EGFLAM: variants seen among roughly 807,000 people sequenced by gnomAD.
EGFLAM encodes pikachurin.
In EGFLAM, 79 loss-of-function variants were observed where a neutral mutation model predicts 113.1. The observed-to-expected ratio is 0.70, with a 90% CI of 0.58 to 0.84. EGFLAM has a LOEUF of 0.84. Among genes scored for constraint, EGFLAM ranks in the 40% least tolerant of loss-of-function variants. The pLI is 0.00. For missense variants in EGFLAM, 1,265 were observed against 1,291.6 expected (o/e 0.98, Z 0.32); for synonymous variants, 504 against 487.6 (o/e 1.03, Z -0.44).
chr5:38,462,830 G>C, intron 20 of EGFLAM, 78 bp from the exon 21 acceptor site: 1 of 1,477,870 alleles, frequency 6.8e-7, no homozygotes, highest in Non-Finnish European at 9.4e-7. Flanking sequence ...TAATACATTT[G>C]TATTGAAATG....
In EGFLAM at chr5:38,438,471, T is replaced by C. The variant is rs1331957784; in HGVS notation, c.2464+16T>C. 6.3e-7 allele frequency: 1 copy of C among 1,581,666 alleles called. No individual in the cohort carries two copies. The highest frequency in any genetic ancestry group is 8.6e-7 in the Non-Finnish European group (1 of 1,161,400). ...TGCCAGAAAGGTACGCTCAGGGGTC[T>C]GAGGCACAGCTCCCTGGAGGGAGTG... On this transcript the variant is annotated intron_variant, in intron 17 of 21. Transcript: ENST00000322350.
intron 1 of EGFLAM, among the ~76,000 whole-genome samples, chr5:38,278,670 G>A (rs892461067): frequency 6.6e-6 from 1 of 152,042 alleles, no homozygotes; most frequent in African/African-American, 2.4e-5. Flanking sequence ...TGTACTTTTA[G>A]TAGAGATGGG....
intron 1 of EGFLAM, among the ~76,000 whole-genome samples, chr5:38,295,702 A>G (rs1004293231): frequency 3.9e-5 from 6 of 152,228 alleles, no homozygotes; most frequent in Non-Finnish European, 5.9e-5. Flanking sequence ...AAGTAAGATT[A>G]TGGTTATTAG....
At chr5:38,463,334 T>C (rs961581227) in intron 21 of EGFLAM, among the ~76,000 whole-genome samples, 1 of 152,264 alleles carries the variant, frequency 6.6e-6, no homozygotes. Context: ...CCTTGCAGAA[T>C]AGAATGACTA....
chr5:38,271,035 A>G (rs1048286331), intron 1 of EGFLAM, among the ~76,000 whole-genome samples: 3 of 152,184 alleles, frequency 2.0e-5, no homozygotes, highest in African/African-American at 7.2e-5. Context: ...TATTTCCTCA[A>G]ATGAGGACTT....
chr5:38,346,978 GA>G (rs1739488388), intron 3 of EGFLAM, among the ~76,000 whole-genome samples: 1 of 145,850 alleles, frequency 6.9e-6, no homozygotes, highest in Non-Finnish European at 1.5e-5. Context: ...GGGTGGGAGG[GA>G]GGGGCAGACT....
intron 6 of EGFLAM, among the ~76,000 whole-genome samples, chr5:38,393,076 T>C (rs1349033518): frequency 1.3e-5 from 2 of 152,168 alleles, no homozygotes; most frequent in African/African-American, 4.8e-5. Context: ...TGCTTTTCAA[T>C]AGAAATTTTA....
chr5:38,342,102 A>C lies in EGFLAM; in HGVS notation c.291+3321A>C, dbSNP rs193077667. Among the ~76,000 whole-genome samples, 401 of 152,326 alleles carry C rather than the reference A, an allele frequency of 2.6e-3. 5 individuals carry two copies. The highest frequency in any genetic ancestry group is 2.2e-3 in the Non-Finnish European group (151 of 68,030). ...ATCTCCCTCTTGCTGATTAAGGCTC[A>C]GTGAAGAGTGCCTAGTTCTAGTGTA... On this transcript the variant is annotated intron_variant, in intron 3 of 21. Coordinates refer to ENST00000322350, the MANE Select transcript of EGFLAM (RefSeq NM_152403.4).
chr5:38,460,766 T>C (rs1007995822), intron 20 of EGFLAM, among the ~76,000 whole-genome samples: 2 of 152,208 alleles, frequency 1.3e-5, no homozygotes, highest in African/African-American at 4.8e-5. Flanking sequence ...ATATCAATTA[T>C]GGCAAGAAGG....
At chr5:38,269,492 CTTT>C (rs372732442) in intron 1 of EGFLAM, among the ~76,000 whole-genome samples, 4 of 138,018 alleles carry the variant, frequency 2.9e-5, no homozygotes, top group Non-Finnish European at 3.2e-5. Flanking sequence ...CTTTTCTTTT[CTTT>C]TTTTTTTTTT....
Position 38,438,505 on chromosome 5 carries a change from G to A in EGFLAM, c.2464+50G>A, listed in dbSNP as rs373786727. On this transcript the variant is annotated intron_variant, in intron 17 of 21. Transcript: ENST00000322350. ...GCTCCCTGGAGGGAGTGGAAGGAAC[G>A]GACAGCCAATTGGGGGACCACAACT... 65 of 1,477,876 alleles carry A rather than the reference G, an allele frequency of 4.4e-5. 1 individual carries two copies. Among genetic ancestry groups the A allele is most frequent in the South Asian group, 3.6e-4 (24 of 67,040 alleles). The allele number at this position is 1,477,876 out of a possible 1,614,324, so 91.5% of individuals were successfully genotyped here.
intron 1 of EGFLAM, among the ~76,000 whole-genome samples, chr5:38,314,170 A>G (rs187412554): frequency 4.6e-5 from 7 of 152,358 alleles, no homozygotes; most frequent in African/African-American, 1.7e-4. Context: ...GGTGTGTAGT[A>G]TGAATTAAGC....
At chr5:38,303,083 G>A (rs1315135399) in intron 1 of EGFLAM, among the ~76,000 whole-genome samples, 1 of 152,174 alleles carries the variant, frequency 6.6e-6, no homozygotes, top group Non-Finnish European at 1.5e-5. Flanking sequence ...AAAGCATGTA[G>A]TAGTTGTGGA....
At chr5:38,347,019 G>A (rs573746344) in intron 3 of EGFLAM, among the ~76,000 whole-genome samples, 59 of 152,242 alleles carry the variant, frequency 3.9e-4, no homozygotes, top group Admixed American at 1.5e-3. Context: ...CAAAGGGGCC[G>A]TAACTTGGGC....
At chr5:38,286,504 T>G (rs2367214) in intron 1 of EGFLAM, 69,345 of 152,000 alleles carry the variant, frequency 0.46, 17,874 homozygotes, top group African/African-American at 0.7. Context: ...GGAAGTAAGA[T>G]GTGAGCACAC....
intron 3 of EGFLAM, among the ~76,000 whole-genome samples, chr5:38,339,860 G>T (rs1739291078): frequency 6.6e-6 from 1 of 152,068 alleles, no homozygotes; most frequent in Admixed American, 6.6e-5. Flanking sequence ...ATAGACTTTT[G>T]CTTCGGCACC....
At chr5:38,364,000 T>C (rs1178501034) in intron 5 of EGFLAM, among the ~76,000 whole-genome samples, 2 of 152,222 alleles carry the variant, frequency 1.3e-5, no homozygotes, top group African/African-American at 4.8e-5. Flanking sequence ...CCAGTAAAAC[T>C]TTATTTACTA....
Position 38,342,952 on chromosome 5 carries a change from G to A in EGFLAM, c.291+4171G>A, listed in dbSNP as rs187973431. On this transcript the variant is annotated intron_variant, in intron 3 of 21. Coordinates refer to ENST00000322350, the MANE Select transcript of EGFLAM (RefSeq NM_152403.4). ...AGTGGATTGTCTTGCTGTCCCCGGCGATGCACCACCACCCTGCTTTAGAGT... is the reference window on the plus strand; with the variant it reads ...AGTGGATTGTCTTGCTGTCCCCGGCAATGCACCACCACCCTGCTTTAGAGT... 1.6e-4 allele frequency among the ~76,000 whole-genome samples: 24 copies of A among 152,246 alleles called. No homozygotes were observed. In the South Asian group the frequency reaches 4.8e-3, roughly 30 times the overall value.
At chr5:38,432,463 A>C (rs573890919) in intron 15 of EGFLAM, among the ~76,000 whole-genome samples, 121 of 135,940 alleles carry the variant, frequency 8.9e-4, no homozygotes, top group African/African-American at 3.0e-3. Context: ...AAAATGCTCT[A>C]TATATATCTG....
Sources: gnomAD v4.1 joint callset for allele counts (sites outside exome capture counted in the v4.1 genomes callset) on GRCh38, gnomAD v4.1.1 for gene constraint, MANE v1.5 for transcripts, NCBI Gene and HGNC (gene_info 2026-07-23, HGNC 2026-07-21) for gene names.